The following ARAP2 variants were observed in gnomAD, a reference collection of about 807,000 sequenced individuals.
ARAP2 encodes the protein ArfGAP with RhoGAP domain, ankyrin repeat and PH domain 2.
Under a neutral mutation model 194.5 loss-of-function variants are expected in ARAP2, and 148 were observed. The ratio of observed to expected loss-of-function variants is 0.76; its 90% CI spans 0.67 to 0.87. The LOEUF is 0.87. Ranked by LOEUF, ARAP2 falls within the 40% of genes least tolerant of loss-of-function variation. The pLI, the probability that ARAP2 is intolerant of heterozygous loss-of-function variation, is 0.00. For synonymous variants in ARAP2, 695 were observed against 683.5 expected (o/e 1.02, Z -0.26); for missense variants, 2,128 against 1,989.7 (o/e 1.07, Z -1.32).
chr4:36,180,571 G>A (rs916317029), intron 8 of ARAP2, among the ~76,000 whole-genome samples: 1 of 152,162 alleles, frequency 6.6e-6, no homozygotes, highest in Non-Finnish European at 1.5e-5. Flanking sequence ...CGAATAAATG[G>A]TACATAATGG....
At chr4:36,227,131 T>C (rs1750499987) in intron 2 of ARAP2, among the ~76,000 whole-genome samples, 2 of 152,206 alleles carry the variant, frequency 1.3e-5, no homozygotes, top group African/African-American at 4.8e-5. Context: ...TAGAGTCAGA[T>C]GTACTGGTAG....
At chr4:36,072,070 ATAT>A (rs1727111626) in intron 32 of ARAP2, among the ~76,000 whole-genome samples, 1 of 152,184 alleles carries the variant, frequency 6.6e-6, no homozygotes, top group Non-Finnish European at 1.5e-5. Context: ...TATGAATCTA[ATAT>A]TATGGCAGAT....
At chr4:36,179,193 G>A (rs1284744481) in intron 8 of ARAP2, among the ~76,000 whole-genome samples, 1 of 152,090 alleles carries the variant, frequency 6.6e-6, no homozygotes, top group African/African-American at 2.4e-5. Flanking sequence ...AGACCATACT[G>A]GAAGCCTGAA....
At chr4:36,183,778 C>A (rs1016771593) in intron 8 of ARAP2, among the ~76,000 whole-genome samples, 1 of 152,108 alleles carries the variant, frequency 6.6e-6, no homozygotes, top group Non-Finnish European at 1.5e-5. Context: ...AGGAAATTAG[C>A]CGGGGAGGGA....
At chr4:36,159,145 G>A (rs1733317590) in intron 14 of ARAP2, among the ~76,000 whole-genome samples, 186 bp downstream of exon 14, 1 of 152,186 alleles carries the variant, frequency 6.6e-6, no homozygotes, top group South Asian at 2.1e-4. Context: ...GAACATAAAA[G>A]ATTGACTTCC....
At chr4:36,235,111 T>C (rs182213104) in intron 1 of ARAP2, among the ~76,000 whole-genome samples, 8 of 152,276 alleles carry the variant, frequency 5.3e-5, no homozygotes, top group Middle Eastern at 3.4e-3. Flanking sequence ...ACTACCTATC[T>C]ACCCTGCTCA....
In ARAP2 at chr4:36,154,339, A is replaced by G. The variant is rs147572538; in HGVS notation, c.2753-3295T>C. On this transcript the variant is annotated intron_variant, in intron 15 of 32. Coordinates refer to ENST00000303965, the MANE Select transcript of ARAP2 (RefSeq NM_015230.4). ...AGCCTTGGAAAAACATGTTTAAGCT[A>G]TACAATCTAGGATTTCACAGAACAA... is the stretch of plus-strand genomic sequence containing the variant. Among the ~76,000 whole-genome samples the G allele has an allele frequency of 5.1e-3, 782 of 152,320 alleles. 25 individuals carry two copies. Among genetic ancestry groups the G allele is most frequent in the Admixed American group, 0.047 (714 of 15,296 alleles).
intron 2 of ARAP2, among the ~76,000 whole-genome samples, chr4:36,218,356 T>G (rs1302839813): frequency 6.6e-6 from 1 of 151,684 alleles, no homozygotes; most frequent in East Asian, 1.9e-4. Context: ...TCAGAAAAAA[T>G]AAGTATTGGG....
chr4:36,100,522 T>C (rs1716575410), intron 27 of ARAP2, among the ~76,000 whole-genome samples: 1 of 151,930 alleles, frequency 6.6e-6, no homozygotes, highest in Non-Finnish European at 1.5e-5. Flanking sequence ...AATTTTGCAA[T>C]ATTTGCAGGA....
chr4:36,122,018 G>T (rs79551046), intron 22 of ARAP2, among the ~76,000 whole-genome samples: 1 of 151,308 alleles, frequency 6.6e-6, no homozygotes, highest in African/African-American at 2.4e-5. Flanking sequence ...AACTGTTTAC[G>T]AATAAGTATA....
At chr4:36,242,803 T>C (rs1753776430) in intron 1 of ARAP2, among the ~76,000 whole-genome samples, 1 of 152,144 alleles carries the variant, frequency 6.6e-6, no homozygotes, top group Admixed American at 6.5e-5. Flanking sequence ...CACACACCCA[T>C]ATAAATACGT....
At chr4:36,051,337 G>A (rs543121547) in intron 3 of ARAP2, among the ~76,000 whole-genome samples, 16 of 152,040 alleles carry the variant, frequency 1.1e-4, no homozygotes, top group Admixed American at 1.0e-3. Flanking sequence ...AAATTAGCTG[G>A]GAGTGGTGGC....
chr4:36,139,538 C>T (rs1203441998), intron 19 of ARAP2, among the ~76,000 whole-genome samples: 1 of 151,588 alleles, frequency 6.6e-6, no homozygotes. Flanking sequence ...ATTCTTTCTA[C>T]TGTCTGTATC....
intron 6 of ARAP2, among the ~76,000 whole-genome samples, chr4:36,206,729 A>C (rs1280997036): frequency 6.6e-6 from 1 of 152,192 alleles, no homozygotes; most frequent in African/African-American, 2.4e-5. Flanking sequence ...GGAAGCTACA[A>C]AAAGACAAGT....
chr4:36,215,349 C>T (rs769968075), intron 2 of ARAP2, among the ~76,000 whole-genome samples: 2 of 152,156 alleles, frequency 1.3e-5, no homozygotes, highest in Non-Finnish European at 2.9e-5. Flanking sequence ...AAAAGAGTAG[C>T]CCTTTCAACA....
intron 10 of ARAP2, chr4:36,005,665 G>A (rs1468638538): frequency 6.6e-6 from 1 of 152,058 alleles, no homozygotes; most frequent in African/African-American, 2.4e-5. Flanking sequence ...CCACAATTTT[G>A]CCTCTAAGCT....
chr4:36,218,295 C>A (rs934583477), intron 2 of ARAP2, among the ~76,000 whole-genome samples: 2 of 151,986 alleles, frequency 1.3e-5, no homozygotes, highest in Non-Finnish European at 2.9e-5. Flanking sequence ...AAAGAGGGAA[C>A]AACAGACACT....
At chr4:36,061,153 T>A (rs1724369127), downstream of ARAP2, among the ~76,000 whole-genome samples, 1 of 152,204 alleles carries the variant, frequency 6.6e-6, no homozygotes, top group African/African-American at 2.4e-5. Context: ...AAGCAATGTT[T>A]ACTAATCACT....
At chr4:36,102,303 T>A (rs1247388309) in intron 27 of ARAP2, among the ~76,000 whole-genome samples, 1 of 152,086 alleles carries the variant, frequency 6.6e-6, no homozygotes, top group East Asian at 1.9e-4. Flanking sequence ...TCCCAGGAGT[T>A]ATCCAAACCA....
Sources: gnomAD v4.1 joint callset for allele counts (sites outside exome capture counted in the v4.1 genomes callset) on GRCh38, gnomAD v4.1.1 for gene constraint, MANE v1.5 for transcripts, NCBI Gene and HGNC (gene_info 2026-07-23, HGNC 2026-07-21) for gene names.